The following TTLL11 variants were observed in gnomAD, a reference collection of about 807,000 sequenced individuals.
TTLL11 encodes tubulin polyglutamylase TTLL11.
In TTLL11, 42 loss-of-function variants were observed where a neutral mutation model predicts 51.7. The ratio of observed to expected loss-of-function variants is 0.81; its 90% CI spans 0.64 to 1.05. The LOEUF (loss-of-function observed/expected upper bound fraction) is 1.05. Among genes scored for constraint, TTLL11 ranks in the 50% least tolerant of loss-of-function variants. The pLI, the probability that TTLL11 is intolerant of heterozygous loss-of-function variation, is 0.00. For missense variants in TTLL11, 799 were observed against 940.4 expected (o/e 0.85, Z 1.97); for synonymous variants, 381 against 383.5 (o/e 0.99, Z 0.08).
intron 8 of TTLL11, among the ~76,000 whole-genome samples, chr9:121,842,030 AG>A (rs1412644034): frequency 6.6e-6 from 1 of 152,068 alleles, no homozygotes; most frequent in African/African-American, 2.4e-5. Flanking sequence ...TCCACCTCTC[AG>A]GGGGCAAAGG....
intron 3 of TTLL11, among the ~76,000 whole-genome samples, chr9:122,023,259 G>A (rs1460682016): frequency 5.3e-5 from 8 of 151,996 alleles, no homozygotes; most frequent in Admixed American, 5.2e-4. Context: ...AGAAGAAATA[G>A]ATAATATGAA....
intron 6 of TTLL11, among the ~76,000 whole-genome samples, chr9:121,954,861 C>T (rs1254314789): frequency 1.3e-5 from 2 of 152,146 alleles, no homozygotes; most frequent in Non-Finnish European, 1.5e-5. Context: ...TTTTGTATCT[C>T]TCTTTTTAAA....
In TTLL11 at chr9:122,062,539, G is replaced by A. The variant is rs373366773; in HGVS notation, c.463-23171C>T. ...GCTGGAGTGCAGTGGCATGATCCTG[G>A]CTCACTGCAACCTCCATTTCCCGGG... On this transcript the variant is annotated intron_variant, in intron 1 of 8. Transcript: ENST00000321582. 3.7e-5 allele frequency among the ~76,000 whole-genome samples: 5 copies of A among 135,218 alleles called. No homozygotes were observed. The South Asian group carries it at 9.1e-4, about 25-fold the overall frequency. The allele number at this position is 135,218 out of a possible 152,430, so 88.7% of individuals were successfully genotyped here.
At chr9:122,053,930 C>CG (rs1044659332) in intron 1 of TTLL11, among the ~76,000 whole-genome samples, 52 of 152,130 alleles carry the variant, frequency 3.4e-4, no homozygotes, top group African/African-American at 1.2e-3. Flanking sequence ...GTGGGTTTCC[C>CG]GGGAACACAA....
chr9:122,041,973 GAA>G (rs956428745), intron 1 of TTLL11, among the ~76,000 whole-genome samples: 1 of 109,562 alleles, frequency 9.1e-6, no homozygotes, highest in Non-Finnish European at 2.0e-5. Context: ...AAACAATCTT[GAA>G]AAAAAAAAAA....
chr9:121,873,529 C>A (rs1838438194), intron 6 of TTLL11, among the ~76,000 whole-genome samples: 3 of 151,910 alleles, frequency 2.0e-5, no homozygotes, highest in South Asian at 2.1e-4. Flanking sequence ...TCAGGCTGGT[C>A]CTGAACTCCT....
chr9:122,031,634 C>T (rs950916277), intron 3 of TTLL11, 89 bp downstream of exon 3: 2 of 1,491,786 alleles, frequency 1.3e-6, no homozygotes, highest in Non-Finnish European at 9.0e-7. Flanking sequence ...TCCCTGGGAC[C>T]CCCTGTCCCA....
At chr9:121,997,148 C>G (rs1033784743) in intron 3 of TTLL11, among the ~76,000 whole-genome samples, 4 of 152,200 alleles carry the variant, frequency 2.6e-5, no homozygotes, top group East Asian at 1.9e-4. Flanking sequence ...AGAACAGCAG[C>G]CTTCTGTGAG....
At chr9:122,008,746 C>T (rs921458100) in intron 3 of TTLL11, among the ~76,000 whole-genome samples, 2 of 152,222 alleles carry the variant, frequency 1.3e-5, no homozygotes, top group African/African-American at 2.4e-5. Flanking sequence ...TCCGCACTCC[C>T]GTGCTTATTG....
chr9:121,826,549 ATGTGTG>A (rs1297234932), intron 8 of TTLL11, among the ~76,000 whole-genome samples: 20 of 30,096 alleles, frequency 6.6e-4, no homozygotes, highest in Admixed American at 3.7e-3. Flanking sequence ...ATATATATAT[ATGTGTG>A]TGTATATATA....
chr9:122,093,246 C>A lies in TTLL11; in HGVS notation c.-98G>T. 6.6e-7 allele frequency: 1 copy of A among 1,506,038 alleles called. No homozygotes were observed. 93.3% of individuals were successfully genotyped at this position (1,506,038 alleles called of 1,614,324 possible). The stretch of plus-strand genomic sequence containing the variant: ...CAAACTGCCGCCGCTGCAGCCGCTG[C>A]CACGCGTTCCCCGCCCGAGCCCGTT... On this transcript the variant is annotated 5_prime_UTR_variant, in exon 1 of 9. Transcript: ENST00000321582.
In TTLL11 at chr9:121,890,681, G is replaced by GCAGTTCACAAAGGC. The variant is rs1839195064; in HGVS notation, c.1482-19947_1482-19934dup. Among the ~76,000 whole-genome samples, 4 of 152,216 alleles carry GCAGTTCACAAAGGC rather than the reference G, an allele frequency of 2.6e-5. No individual in the cohort carries two copies. The South Asian group carries it at 8.3e-4, about 32-fold the overall frequency. ...CATCCTCCACCTCCCATCAATAATG[G>GCAGTTCACAAAGGC]CAGTTCACAAAGGCAGGTATTGTTG... On this transcript the variant is annotated intron_variant, in intron 6 of 8. Coordinates refer to ENST00000321582, the MANE Select transcript of TTLL11 (RefSeq NM_001139442.2). The surrounding 1 kb of genome is among the most constrained non-coding windows in gnomAD (Gnocchi z 4.3).
chr9:122,048,156 ATTATTT>A (rs553855451), intron 1 of TTLL11, among the ~76,000 whole-genome samples: 3 of 151,622 alleles, frequency 2.0e-5, no homozygotes, highest in South Asian at 2.1e-4. Context: ...TTTTATTTTC[ATTATTT>A]TTATTTTTAT....
At chr9:122,077,002 A>G (rs905203278) in intron 1 of TTLL11, among the ~76,000 whole-genome samples, 6 of 152,238 alleles carry the variant, frequency 3.9e-5, no homozygotes, top group African/African-American at 1.4e-4. Flanking sequence ...CAAAATGGAA[A>G]TGAAAAAACA....
chr9:121,930,989 C>T (rs1389707380), intron 6 of TTLL11, among the ~76,000 whole-genome samples: 3 of 152,230 alleles, frequency 2.0e-5, no homozygotes, highest in Non-Finnish European at 4.4e-5. Context: ...ATGGGATGTG[C>T]TCAAGCAGGA....
chr9:121,987,484 G>C (rs2131687753), intron 4 of TTLL11, among the ~76,000 whole-genome samples: 1 of 152,230 alleles, frequency 6.6e-6, no homozygotes, highest in African/African-American at 2.4e-5. Flanking sequence ...TGGCCTGTAA[G>C]AATGTTCCAG....
rs144666186 is a variant in TTLL11, at chr9:122,044,999, G to A, written c.463-5631C>T. Among the ~76,000 whole-genome samples the A allele has an allele frequency of 9.8e-3, 1,491 of 152,062 alleles. 24 individuals are homozygous for A. Among genetic ancestry groups the A allele is most frequent in the African/African-American group, 0.034 (1,410 of 41,480 alleles). ...GGCATGCCTGTAGTCCCAACTACTC[G>A]GGAAGCTGAAGCAGGAGGATTGCTT... is the stretch of plus-strand genomic sequence containing the variant. On this transcript the variant is annotated intron_variant, in intron 1 of 8. Transcript: ENST00000321582.
At chr9:121,910,926 G>C (rs1840092112) in intron 6 of TTLL11, among the ~76,000 whole-genome samples, 1 of 152,142 alleles carries the variant, frequency 6.6e-6, no homozygotes, top group Non-Finnish European at 1.5e-5. Flanking sequence ...TTAAATAAGA[G>C]AGCCAGGAAT....
intron 6 of TTLL11, among the ~76,000 whole-genome samples, chr9:121,892,061 A>T (rs899387294): frequency 8.2e-5 from 12 of 146,664 alleles, no homozygotes; most frequent in African/African-American, 2.2e-4. Context: ...AAATATAAAA[A>T]ATATATAAAC....
Sources: allele counts gnomAD v4.1 joint callset (sites outside exome capture counted in the v4.1 genomes callset), GRCh38; gene constraint gnomAD v4.1.1; non-coding constraint Gnocchi (gnomAD v3.1); transcripts MANE v1.5; gene names NCBI Gene and HGNC (gene_info 2026-07-23, HGNC 2026-07-21).